BTBD1: variants seen among roughly 807,000 people sequenced by gnomAD.
BTBD1 encodes the protein BTB/POZ domain-containing protein 1.
In BTBD1, 34 loss-of-function variants were observed where a neutral mutation model predicts 48.0. That is an observed-to-expected ratio of 0.71 (90% CI 0.54 to 0.94). The LOEUF (loss-of-function observed/expected upper bound fraction) is 0.94, where lower values mean the gene tolerates loss of function less well. Among genes scored for constraint, BTBD1 ranks in the 40% least tolerant of loss-of-function variants. The probability of loss-of-function intolerance (pLI) is 0.00; values close to 1 mark genes in which losing one functional copy is unlikely to be tolerated. For missense variants in BTBD1, 543 were observed against 625.6 expected (o/e 0.87, Z 1.41); for synonymous variants, 261 against 242.1 (o/e 1.08, Z -0.72).
intron 6 of BTBD1, among the ~76,000 whole-genome samples, chr15:83,019,180 C>T (rs952957748): frequency 6.6e-6 from 1 of 152,004 alleles, no homozygotes; most frequent in Non-Finnish European, 1.5e-5. Context: ...GTGCCTCAGC[C>T]TCCTGAGTAG....
chr15:83,066,922 T>C lies in BTBD1; in HGVS notation c.230A>G (p.Lys77Arg), dbSNP rs752027128. The C allele has an allele frequency of 5.8e-6, 9 of 1,557,544 alleles. No homozygotes were observed. In the South Asian group the frequency reaches 7.0e-5, roughly 12 times the overall value. The stretch of plus-strand genomic sequence containing the variant: ...CCCAGCGGCGGCGGCGCCGCGACCC[T>C]TGCCCAGTACGAAGCGCACATCGCT... ...LLSDVRFVLG[K>R]GRGAAAAGGP... Residue 77 changes from lysine to arginine, a missense_variant, in exon 1 of 8, where the codon AAG (lysine) becomes AGG (arginine). Transcript: ENST00000261721.
At chr15:83,053,124 T>C (rs2033023694) in intron 2 of BTBD1, among the ~76,000 whole-genome samples, 1 of 152,132 alleles carries the variant, frequency 6.6e-6, no homozygotes, top group African/African-American at 2.4e-5. Context: ...TAGGGTAAAA[T>C]AAATTTTCTC....
intron 1 of BTBD1, among the ~76,000 whole-genome samples, chr15:83,064,417 G>GA (rs963525877): frequency 1.4e-4 from 21 of 149,238 alleles, no homozygotes; most frequent in South Asian, 4.2e-4. Context: ...TTTACAATGT[G>GA]AAAAAAAAAA....
intron 2 of BTBD1, among the ~76,000 whole-genome samples, chr15:83,055,164 T>C (rs1448421718): frequency 2.0e-5 from 3 of 152,226 alleles, no homozygotes; most frequent in East Asian, 3.8e-4. Flanking sequence ...TACACACATA[T>C]AACAAATGCT....
At position 83,017,054 on chromosome 15, in the gene BTBD1, A is replaced by G. The variant is rs1480894976; in HGVS notation, c.*1013T>C. On this transcript the variant is annotated 3_prime_UTR_variant, in exon 8 of 8. Coordinates refer to ENST00000261721, the MANE Select transcript of BTBD1 (RefSeq NM_025238.4). ...GCCAGATATACTTCCTATCCCCAAC[A>G]CAGCTGTAACACTGACTAATGGGGT... is the stretch of plus-strand genomic sequence containing the variant. The G allele has an allele frequency of 6.6e-6, 1 of 152,648 alleles. No individual in the cohort carries two copies. The allele number at this position is 152,648 out of a possible 1,614,324, so 9.5% of individuals were successfully genotyped here.
intron 4 of BTBD1, among the ~76,000 whole-genome samples, chr15:83,032,192 G>A (rs747380904): frequency 6.6e-6 from 1 of 151,970 alleles, no homozygotes; most frequent in Non-Finnish European, 1.5e-5. Flanking sequence ...GCAGTGATGT[G>A]CGCCTGTAGT....
At chr15:83,066,198 C>G (rs906340055) in intron 1 of BTBD1, among the ~76,000 whole-genome samples, 1 of 151,998 alleles carries the variant, frequency 6.6e-6, no homozygotes, top group Admixed American at 6.5e-5. Context: ...ACTCGGGAGG[C>G]TGAGGTCGGA....
chr15:83,031,787 A>G (rs2032522044), intron 4 of BTBD1, among the ~76,000 whole-genome samples: 1 of 152,236 alleles, frequency 6.6e-6, no homozygotes, highest in African/African-American at 2.4e-5. Flanking sequence ...TTAAAAAAAA[A>G]AAGAAGATAT....
intron 3 of BTBD1, among the ~76,000 whole-genome samples, chr15:83,045,053 G>A (rs544226893): frequency 6.6e-6 from 1 of 151,888 alleles, no homozygotes; most frequent in Non-Finnish European, 1.5e-5. Context: ...AGATAAAACA[G>A]GCACTTCTAT....
At chr15:83,057,923 G>C (rs1420528640) in intron 1 of BTBD1, among the ~76,000 whole-genome samples, 1 of 152,226 alleles carries the variant, frequency 6.6e-6, no homozygotes, top group Non-Finnish European at 1.5e-5. Context: ...CCTGGCATTA[G>C]AGTGGGAAGC....
chr15:83,043,413 AG>A (rs2032807550), intron 3 of BTBD1, among the ~76,000 whole-genome samples: 1 of 152,160 alleles, frequency 6.6e-6, no homozygotes, highest in Admixed American at 6.5e-5. Flanking sequence ...AGCACCCTGT[AG>A]ATCATTTGGC....
intron 1 of BTBD1, among the ~76,000 whole-genome samples, chr15:83,057,255 C>T (rs2033103146): frequency 6.6e-6 from 1 of 152,142 alleles, no homozygotes; most frequent in African/African-American, 2.4e-5. Flanking sequence ...TTTTCAGTGC[C>T]ATACAGTAAG....
At chr15:83,060,272 T>C (rs1481745120) in intron 1 of BTBD1, among the ~76,000 whole-genome samples, 5 of 151,362 alleles carry the variant, frequency 3.3e-5, no homozygotes, top group African/African-American at 4.8e-5. Context: ...ATTAGAGTTT[T>C]TATAATATTT....
intron 2 of BTBD1, among the ~76,000 whole-genome samples, chr15:83,051,718 A>ACTTC: frequency 6.6e-6 from 1 of 151,662 alleles, no homozygotes; most frequent in African/African-American, 2.4e-5. Flanking sequence ...TTTTTTTTTA[A>ACTTC]CTGCACCTTT....
chr15:83,020,425 C>G (rs749203516), intron 6 of BTBD1: 1 of 372,148 alleles, frequency 2.7e-6, no homozygotes, highest in Non-Finnish European at 4.8e-6. Context: ...GCAGGAAGTA[C>G]TAATAGAAGG....
chr15:83,018,700 C>G lies in BTBD1; in HGVS notation c.1290+7G>C. ...AAACCATCTGGAACATAGTGCATGA[C>G]TCTTACTTTGAGTGTTGCACATGCT... On this transcript the variant is annotated splice_region_variant and intron_variant, in intron 7 of 7. Transcript: ENST00000261721. 1 of 1,613,434 alleles carries G rather than the reference C, an allele frequency of 6.2e-7. No individual in the cohort carries two copies.
At chr15:83,061,755 T>C (rs1378542516) in intron 1 of BTBD1, 1 of 152,360 alleles carries the variant, frequency 6.6e-6, no homozygotes, top group East Asian at 1.9e-4. Flanking sequence ...CCCCACCTGC[T>C]ATCTGACTAC....
chr15:83,019,589 C>CTTT (rs1242041752), intron 6 of BTBD1, among the ~76,000 whole-genome samples: 12 of 132,978 alleles, frequency 9.0e-5, no homozygotes, highest in South Asian at 2.4e-4. Context: ...AGCCTGGTGT[C>CTTT]TTTTTTTTTT....
At chr15:83,061,231 G>GT (rs2033170697) in intron 1 of BTBD1, among the ~76,000 whole-genome samples, 1 of 152,128 alleles carries the variant, frequency 6.6e-6, no homozygotes, top group Non-Finnish European at 1.5e-5. Context: ...TAAAACAATG[G>GT]TGAGTATTGT....
Sources: gnomAD v4.1 joint callset for allele counts (sites outside exome capture counted in the v4.1 genomes callset) on GRCh38, gnomAD v4.1.1 for gene constraint, MANE v1.5 for transcripts, NCBI Gene and HGNC (gene_info 2026-07-23, HGNC 2026-07-21) for gene names.